The following NTM variants were observed in gnomAD, a reference collection of about 807,000 sequenced individuals.
NTM encodes the protein neurotrimin.
A neutral mutation model predicts 42.1 loss-of-function variants in NTM; 13 were observed. The ratio of observed to expected loss-of-function variants is 0.31; its 90% CI spans 0.20 to 0.49. NTM has a LOEUF of 0.49. NTM is among the 20% of genes least tolerant of loss of function. The probability of loss-of-function intolerance (pLI) is 0.99; values close to 1 mark genes in which losing one functional copy is unlikely to be tolerated. For missense variants in NTM, 373 were observed against 452.8 expected, an observed-to-expected ratio of 0.82 and a Z score of 1.60; for synonymous variants, 187 against 179.2, an observed-to-expected ratio of 1.04 and a Z score of -0.35.
chr11:131,567,144 C>T lies in NTM; in HGVS notation c.82+196256C>T, dbSNP rs1047468014. Among the ~76,000 whole-genome samples, 111 of 151,978 alleles carry T rather than the reference C, an allele frequency of 7.3e-4. 1 individual carries two copies. Among genetic ancestry groups the T allele is most frequent in the Admixed American group, 3.3e-4 (5 of 15,256 alleles). ...TCTTTTCCTCATCACCAGAGAGACC[C>T]TGTGGGGGACTGGGGAAGAGAGGGG... On this transcript the variant is annotated intron_variant, in intron 1 of 8. Coordinates refer to ENST00000683400, the MANE Select transcript of NTM (RefSeq NM_001352005.2).
chr11:131,787,426 C>A (rs1252299763), intron 1 of NTM, among the ~76,000 whole-genome samples: 1 of 150,628 alleles, frequency 6.6e-6, no homozygotes, highest in Non-Finnish European at 1.5e-5. Context: ...TGGCGCCAGG[C>A]TGGAGTGCAG....
chr11:131,655,542 G>T (rs1175264096), intron 1 of NTM, among the ~76,000 whole-genome samples: 1 of 152,198 alleles, frequency 6.6e-6, no homozygotes, highest in Non-Finnish European at 1.5e-5. Flanking sequence ...GCAGGGGGCT[G>T]CTCTCAGCTG....
At chr11:132,218,822 C>A (rs2084492678) in intron 4 of NTM, among the ~76,000 whole-genome samples, 1 of 152,152 alleles carries the variant, frequency 6.6e-6, no homozygotes, top group South Asian at 2.1e-4. Flanking sequence ...TTCTCTGAGG[C>A]TTCTGCTACT....
chr11:131,886,101 G>C (rs1038343689), intron 1 of NTM, among the ~76,000 whole-genome samples: 3 of 152,080 alleles, frequency 2.0e-5, no homozygotes, highest in Non-Finnish European at 4.4e-5. Context: ...CAACCTTGCC[G>C]TTCTCTGAGG....
At chr11:131,463,666 T>C (rs1951617330) in intron 1 of NTM, among the ~76,000 whole-genome samples, 1 of 152,274 alleles carries the variant, frequency 6.6e-6, no homozygotes. Flanking sequence ...GTGAACTAGC[T>C]TTACATTGTC....
rs531794423 is a variant in NTM, at chr11:132,332,015, G to C, written c.967+1830G>C. Among the ~76,000 whole-genome samples the C allele has an allele frequency of 2.0e-5, 3 of 152,294 alleles. No individual in the cohort carries two copies. The South Asian group carries it at 6.2e-4, about 32-fold the overall frequency. On this transcript the variant is annotated intron_variant, in intron 8 of 8. Transcript: ENST00000683400. ...GGTCCACTGAGAAGCTGGACTTGGT[G>C]CTAGCCTGTTGGCCTCAAATCAATG...
chr11:131,841,177 A>G (rs2044194793), intron 1 of NTM, among the ~76,000 whole-genome samples: 1 of 152,200 alleles, frequency 6.6e-6, no homozygotes, highest in African/African-American at 2.4e-5. Context: ...AGGGAGAGAG[A>G]CTGAAATATG....
chr11:131,439,256 G>A (rs183107019), intron 1 of NTM, among the ~76,000 whole-genome samples: 162 of 152,282 alleles, frequency 1.1e-3, no homozygotes, highest in African/African-American at 3.5e-3. Flanking sequence ...TAGGCTACTC[G>A]GGGGTCAGGG....
At chr11:131,385,849 C>T (rs756774085) in intron 1 of NTM, among the ~76,000 whole-genome samples, 1 of 152,164 alleles carries the variant, frequency 6.6e-6, no homozygotes, top group Non-Finnish European at 1.5e-5. Flanking sequence ...CAGAGCAAGA[C>T]TCAGTGTCTA....
At chr11:132,088,257 TGG>T (rs2059976774) in intron 2 of NTM, among the ~76,000 whole-genome samples, 1 of 151,778 alleles carries the variant, frequency 6.6e-6, no homozygotes, top group South Asian at 2.1e-4. Context: ...GTGGGGGACG[TGG>T]GGCAGCTTCC....
chr11:132,043,987 TGTGTGTA>T (rs2077552850), intron 2 of NTM, among the ~76,000 whole-genome samples: 1 of 149,834 alleles, frequency 6.7e-6, no homozygotes, highest in African/African-American at 2.5e-5. Flanking sequence ...TGTGTGTGTG[TGTGTGTA>T]TGGGTATGTG....
At chr11:132,256,850 C>T (rs1028816507) in intron 4 of NTM, among the ~76,000 whole-genome samples, 1 of 152,214 alleles carries the variant, frequency 6.6e-6, no homozygotes, top group Admixed American at 6.5e-5. Context: ...CCCGTGTTAT[C>T]GTCGGGACCC....
At chr11:132,151,162 G>A (rs927595509) in intron 3 of NTM, among the ~76,000 whole-genome samples, 5 of 152,078 alleles carry the variant, frequency 3.3e-5, no homozygotes, top group African/African-American at 7.2e-5. Flanking sequence ...CTACCAAACC[G>A]AGCATATTGT....
intron 1 of NTM, among the ~76,000 whole-genome samples, chr11:131,890,001 C>A (rs760724696): frequency 2.6e-5 from 4 of 152,116 alleles, no homozygotes; most frequent in Non-Finnish European, 5.9e-5. Context: ...CACAGAGACT[C>A]CTCCTTCTCA....
intron 1 of NTM, chr11:131,795,556 A>C: frequency 1.0e-6 from 1 of 985,440 alleles, no homozygotes; most frequent in Non-Finnish European, 1.2e-6. Context: ...AGGATACAGC[A>C]TGATGTTTGC....
At chr11:131,737,974 C>T (rs1433460095) in intron 1 of NTM, among the ~76,000 whole-genome samples, 1 of 152,124 alleles carries the variant, frequency 6.6e-6, no homozygotes, top group African/African-American at 2.4e-5. Flanking sequence ...TGCACAGGGG[C>T]CAAATTTGTG....
intron 4 of NTM, among the ~76,000 whole-genome samples, chr11:132,304,500 T>C (rs1420724155): frequency 6.6e-6 from 1 of 152,222 alleles, no homozygotes; most frequent in Non-Finnish European, 1.5e-5. Context: ...ACAAATGCTT[T>C]TAAACGAAAC....
intron 2 of NTM, among the ~76,000 whole-genome samples, chr11:131,984,010 G>A (rs1449709123): frequency 6.6e-6 from 1 of 152,162 alleles, no homozygotes. Flanking sequence ...CCTGCCTGTA[G>A]AGCCAAAGAA....
At chr11:131,823,560 A>T (rs960773046) in intron 1 of NTM, among the ~76,000 whole-genome samples, 5 of 152,208 alleles carry the variant, frequency 3.3e-5, no homozygotes, top group African/African-American at 1.2e-4. Context: ...TTAACTACAA[A>T]TAATTCTTCT....
Sources: allele counts gnomAD v4.1 joint callset (sites outside exome capture counted in the v4.1 genomes callset), GRCh38; gene constraint gnomAD v4.1.1; transcripts MANE v1.5; gene names NCBI Gene and HGNC (gene_info 2026-07-23, HGNC 2026-07-21).